The following FIBCD1 variants were observed in gnomAD, a reference collection of about 807,000 sequenced individuals.
The protein encoded by FIBCD1 is fibrinogen C domain containing 1.
A neutral mutation model predicts 45.1 loss-of-function variants in FIBCD1; 47 were observed. That is an observed-to-expected ratio of 1.04 (90% confidence interval 0.82 to 1.33). FIBCD1 has a LOEUF of 1.33. Among genes scored for constraint, FIBCD1 ranks in the 40% most tolerant of loss-of-function variants. The pLI, the probability that FIBCD1 is intolerant of heterozygous loss-of-function variation, is 0.00. For missense variants in FIBCD1, 653 were observed against 682.2 expected, an observed-to-expected ratio of 0.96 and a Z score of 0.48; for synonymous variants, 313 against 308.1, an observed-to-expected ratio of 1.02 and a Z score of -0.17.
intron 4 of FIBCD1, among the ~76,000 whole-genome samples, chr9:130,912,802 G>GA (rs1373506075): frequency 8.5e-6 from 1 of 117,380 alleles, no homozygotes; most frequent in Non-Finnish European, 1.6e-5. Context: ...AATGGTCAAA[G>GA]AAAGGGGGGG....
At chr9:130,940,286 G>T (rs908718150), upstream of FIBCD1, among the ~76,000 whole-genome samples, 11 of 152,266 alleles carry the variant, frequency 7.2e-5, no homozygotes, top group East Asian at 3.9e-4. Context: ...CCCGCCAGGC[G>T]CTGGGTTCAC....
At position 130,926,953 on chromosome 9, in the gene FIBCD1, C is replaced by T. The variant is rs548536174; in HGVS notation, c.553-2557G>A. On this transcript the variant is annotated intron_variant, in intron 2 of 6. Coordinates refer to ENST00000372338, the MANE Select transcript of FIBCD1 (RefSeq NM_032843.5). This position sits in a 1 kb window ranked among gnomAD's most constrained non-coding sequence, Gnocchi z 4.1. ...CATGGTATAGGCCTATCACTCCTACCAGAAAAGGGATTTTCGGCCCAACAC... is the reference window on the plus strand; with the variant it reads ...CATGGTATAGGCCTATCACTCCTACTAGAAAAGGGATTTTCGGCCCAACAC... Among the ~76,000 whole-genome samples the T allele has an allele frequency of 7.2e-5, 11 of 152,300 alleles. No individual in the cohort carries two copies. The highest frequency in any genetic ancestry group is 6.5e-4 in the Admixed American group (10 of 15,290).
chr9:130,929,862 T>C lies in FIBCD1; in HGVS notation c.257A>G (p.Asp86Gly), dbSNP rs1332056940. The C allele has an allele frequency of 3.2e-6, 5 of 1,549,710 alleles. No homozygotes were observed. Among genetic ancestry groups the C allele is most frequent in the Admixed American group, 3.9e-5 (2 of 50,988 alleles). Residue 86 changes from aspartate (D) to glycine (G), a missense_variant, in exon 2 of 7, where the codon GAC becomes GGC. By Grantham distance (94) the Asp-to-Gly change is moderately conservative (BLOSUM62 -1). Transcript: ENST00000372338. ...NSALVTVERADSSHLSILIDP... is the reference protein window; with the variant it reads ...NSALVTVERAGSSHLSILIDP... ...AATGAGGATGCTGAGGTGCGAGCTG[T>C]CCGCCCTTTCCACAGTGACCAGGGC...
At chr9:130,925,561 G>A (rs1435546759) in intron 2 of FIBCD1, among the ~76,000 whole-genome samples, 1 of 152,112 alleles carries the variant, frequency 6.6e-6, no homozygotes, top group Non-Finnish European at 1.5e-5. Flanking sequence ...CTCTGAGCGG[G>A]GGGATTCAGG....
chr9:130,929,007 G>A (rs1320307074), intron 2 of FIBCD1, among the ~76,000 whole-genome samples: 2 of 152,178 alleles, frequency 1.3e-5, no homozygotes, highest in Admixed American at 1.3e-4. Flanking sequence ...GGCTTGGCTG[G>A]GGGCAGGGGT....
intron 5 of FIBCD1, among the ~76,000 whole-genome samples, chr9:130,908,339 T>C (rs1374305471): frequency 6.6e-6 from 1 of 152,208 alleles, no homozygotes; most frequent in African/African-American, 2.4e-5. Context: ...TCCCGCATCA[T>C]CTGCAGCTGC....
In FIBCD1 at chr9:130,929,798, G is replaced by T. The variant is rs1306129104; in HGVS notation, c.321C>A (p.Arg107=). The T allele has an allele frequency of 7.7e-6, 12 of 1,552,266 alleles. No individual in the cohort carries two copies. Among genetic ancestry groups the T allele is most frequent in the South Asian group, 7.1e-5 (6 of 84,448 alleles). Residue 107 remains arginine (R), a synonymous_variant, in exon 2 of 7, where the codon CGC becomes CGA. Coordinates refer to ENST00000372338, the MANE Select transcript of FIBCD1 (RefSeq NM_032843.5). Reference sequence around the variant, plus strand: ...GCACCGAGGCCTGGGCGCTCTCCAGGCGTGCGAAGCTGTCGGTGAGGTCGG... The same window carrying T: ...GCACCGAGGCCTGGGCGCTCTCCAGTCGTGCGAAGCTGTCGGTGAGGTCGG... ...RCPDLTDSFA[R]LESAQASVLQ...
chr9:130,913,352 T>C (rs1438080045), intron 4 of FIBCD1, among the ~76,000 whole-genome samples: 2 of 152,262 alleles, frequency 1.3e-5, no homozygotes, highest in Non-Finnish European at 2.9e-5. Flanking sequence ...GAGATCTGGC[T>C]GCGGCACCGG....
At chr9:130,908,925 C>G (rs1831986155) in intron 5 of FIBCD1, among the ~76,000 whole-genome samples, 1 of 152,100 alleles carries the variant, frequency 6.6e-6, no homozygotes. Context: ...CCCCGCCTCA[C>G]CACCCCAACC....
At chr9:130,908,244 C>G (rs532868842) in intron 5 of FIBCD1, among the ~76,000 whole-genome samples, 88 of 152,226 alleles carry the variant, frequency 5.8e-4, no homozygotes, top group African/African-American at 2.1e-3. Context: ...GAGGGTGGTG[C>G]GGCAGAGGAG....
chr9:130,903,781 G>A lies in FIBCD1; in HGVS notation c.*283C>T. On this transcript the variant is annotated 3_prime_UTR_variant, in exon 7 of 7. Transcript: ENST00000372338. ...CCAGGGGACGGCAAACAGCACCGGA[G>A]TCACAGTGGGGGCAGGCAGGAGTTG... is the stretch of plus-strand genomic sequence containing the variant. 1 of 543,534 alleles carries A rather than the reference G, an allele frequency of 1.8e-6. No homozygotes were observed. Among genetic ancestry groups the A allele is most frequent in the Non-Finnish European group, 3.4e-6 (1 of 295,256 alleles). The allele number at this position is 543,534 out of a possible 1,614,324, so 33.7% of individuals were successfully genotyped here.
chr9:130,915,886 C>T (rs1049539027), intron 4 of FIBCD1, among the ~76,000 whole-genome samples: 3 of 152,276 alleles, frequency 2.0e-5, no homozygotes, highest in South Asian at 4.1e-4. Flanking sequence ...CACAGGCACA[C>T]GCATCCAGAC....
chr9:130,912,964 AGGG>A, intron 4 of FIBCD1, among the ~76,000 whole-genome samples: 1 of 152,210 alleles, frequency 6.6e-6, no homozygotes, highest in East Asian at 1.9e-4. Context: ...AGCCTGGGGC[AGGG>A]GTCGGGGTGC....
intron 4 of FIBCD1, among the ~76,000 whole-genome samples, chr9:130,913,727 A>C (rs1832107658): frequency 6.6e-6 from 1 of 152,162 alleles, no homozygotes; most frequent in Non-Finnish European, 1.5e-5. Context: ...ACCTTTTCAA[A>C]GGCCTAATCC....
Position 130,903,849 on chromosome 9 carries a change from T to C in FIBCD1, c.*215A>G. The C allele has an allele frequency of 1.5e-6, 1 of 660,018 alleles. No individual in the cohort carries two copies. Among genetic ancestry groups the C allele is most frequent in the Non-Finnish European group, 2.8e-6 (1 of 363,158 alleles). The allele number at this position is 660,018 out of a possible 1,614,324, so 40.9% of individuals were successfully genotyped here. ...AGCCCCCATCAGCAGAGGCAAGAGATCAGTGAGCTGCCAAATGGAGGGGGT... is the reference window on the plus strand; with the variant it reads ...AGCCCCCATCAGCAGAGGCAAGAGACCAGTGAGCTGCCAAATGGAGGGGGT... On this transcript the variant is annotated 3_prime_UTR_variant, in exon 7 of 7. Transcript: ENST00000372338.
Position 130,926,373 on chromosome 9 carries a change from C to A in FIBCD1, c.553-1977G>T, listed in dbSNP as rs976385446. ...CCCCGAATTAATGGGGAAGTGAGTC[C>A]CTGCTTGCCGAGCTGCAGAGGCGCA... is the stretch of plus-strand genomic sequence containing the variant. On this transcript the variant is annotated intron_variant, in intron 2 of 6. Coordinates refer to ENST00000372338, the MANE Select transcript of FIBCD1 (RefSeq NM_032843.5). This position sits in a 1 kb window ranked among gnomAD's most constrained non-coding sequence, Gnocchi z 4.1. Among the ~76,000 whole-genome samples, 2 of 152,126 alleles carry A rather than the reference C, an allele frequency of 1.3e-5. No homozygotes were observed. The highest frequency in any genetic ancestry group is 4.8e-5 in the African/African-American group (2 of 41,418).
intron 1 of FIBCD1, 127 bp downstream of exon 1, chr9:130,938,409 G>A (rs1014021784): frequency 4.0e-6 from 3 of 755,738 alleles, no homozygotes; most frequent in Non-Finnish European, 5.7e-6. Flanking sequence ...ATCCCGGCCC[G>A]GGCCTCCGGA....
intron 1 of FIBCD1, among the ~76,000 whole-genome samples, chr9:130,936,930 G>A (rs1832527855): frequency 6.6e-6 from 1 of 151,944 alleles, no homozygotes; most frequent in Non-Finnish European, 1.5e-5. Context: ...GGCAGCATTT[G>A]AGCTTGATTT....
At position 130,904,014 on chromosome 9, in the gene FIBCD1, C is replaced by T. The variant is rs751463983; in HGVS notation, c.*50G>A. The stretch of plus-strand genomic sequence containing the variant: ...CATTCACGAAAGAGTGAGGTGGGGT[C>T]GGGGATGGGGCGACAGGGACCAGCA... On this transcript the variant is annotated 3_prime_UTR_variant, in exon 7 of 7. Transcript: ENST00000372338. The T allele has an allele frequency of 7.5e-6, 12 of 1,592,284 alleles. No homozygotes were observed. The highest frequency in any genetic ancestry group is 1.7e-4 in the Middle Eastern group (1 of 6,052).
Sources: allele counts gnomAD v4.1 joint callset (sites outside exome capture counted in the v4.1 genomes callset), GRCh38; gene constraint gnomAD v4.1.1; non-coding constraint Gnocchi (gnomAD v3.1); transcripts MANE v1.5; gene names NCBI Gene and HGNC (gene_info 2026-07-23, HGNC 2026-07-21).